The following PCDH15 variants were observed in gnomAD, a reference collection of about 807,000 sequenced individuals.
The protein encoded by PCDH15 is protocadherin-15.
Under a neutral mutation model 178.5 loss-of-function variants are expected in PCDH15, and 129 were observed. The observed-to-expected ratio is 0.72, with a 90% CI of 0.63 to 0.84. PCDH15 has a LOEUF of 0.84. PCDH15 is among the 40% of genes least tolerant of loss of function. The pLI, the probability that PCDH15 is intolerant of heterozygous loss-of-function variation, is 0.00. For synonymous variants in PCDH15, 800 were observed against 732.0 expected (o/e 1.09, Z -1.50); for missense variants, 2,230 against 2,099.9 (o/e 1.06, Z -1.21).
intron 2 of PCDH15, among the ~76,000 whole-genome samples, chr10:54,921,167 C>T (rs2131843995): frequency 6.6e-6 from 1 of 152,210 alleles, no homozygotes; most frequent in Middle Eastern, 3.4e-3. Flanking sequence ...TGCATCTTAC[C>T]AATCTCAATT....
intron 13 of PCDH15, among the ~76,000 whole-genome samples, chr10:54,169,200 G>A (rs1473263670): frequency 1.5e-5 from 2 of 130,760 alleles, no homozygotes; most frequent in African/African-American, 3.0e-5. Context: ...CTCCTTCCCA[G>A]ATCTTCTCGG....
chr10:55,496,289 C>T (rs1183082579), intron 2 of PCDH15, among the ~76,000 whole-genome samples: 1 of 151,606 alleles, frequency 6.6e-6, no homozygotes, highest in African/African-American at 2.4e-5. Flanking sequence ...AATAAATAAG[C>T]ACAAATGCGT....
At chr10:54,490,493 T>TA (rs1423827218) in intron 3 of PCDH15, among the ~76,000 whole-genome samples, 9 of 150,280 alleles carry the variant, frequency 6.0e-5, no homozygotes, top group Admixed American at 1.3e-4. Context: ...AATAAATAAA[T>TA]AATGTCTCAA....
chr10:55,500,009 C>T (rs903956130), intron 2 of PCDH15, among the ~76,000 whole-genome samples: 2 of 151,400 alleles, frequency 1.3e-5, no homozygotes, highest in Non-Finnish European at 3.0e-5. Flanking sequence ...AAAGAGTTTA[C>T]AAAATGTAAT....
At chr10:54,597,117 C>T (rs1484309033) in intron 2 of PCDH15, among the ~76,000 whole-genome samples, 1 of 152,098 alleles carries the variant, frequency 6.6e-6, no homozygotes, top group East Asian at 1.9e-4. Context: ...AGCTACATAA[C>T]TGTTCATCAA....
At chr10:54,738,165 A>G (rs1944363253) in intron 1 of PCDH15, among the ~76,000 whole-genome samples, 1 of 152,106 alleles carries the variant, frequency 6.6e-6, no homozygotes, top group African/African-American at 2.4e-5. Flanking sequence ...GCACCCTAGG[A>G]CATTTTGAGA....
At chr10:55,120,744 T>A (rs1299794318) in intron 2 of PCDH15, among the ~76,000 whole-genome samples, 16 of 152,318 alleles carry the variant, frequency 1.1e-4, no homozygotes, top group African/African-American at 2.9e-4. Context: ...TGTGCAGTGC[T>A]CTTTGGTCTC....
chr10:53,987,930 G>C (rs1321485254), intron 21 of PCDH15, among the ~76,000 whole-genome samples: 1 of 152,102 alleles, frequency 6.6e-6, no homozygotes, highest in Non-Finnish European at 1.5e-5. Flanking sequence ...AATTCTGAGA[G>C]TCTATTTCCA....
intron 21 of PCDH15, among the ~76,000 whole-genome samples, chr10:53,965,172 C>T (rs2088871835): frequency 6.6e-6 from 1 of 151,912 alleles, no homozygotes; most frequent in South Asian, 2.1e-4. Context: ...ATTCTCCTGC[C>T]TCAGCCTCTC....
At chr10:54,098,817 A>T (rs1011399151) in intron 15 of PCDH15, among the ~76,000 whole-genome samples, 1 of 152,182 alleles carries the variant, frequency 6.6e-6, no homozygotes, top group African/African-American at 2.4e-5. Context: ...GGCTTTGGTC[A>T]GTTTACAGCC....
chr10:54,398,604 T>G, intron 3 of PCDH15, among the ~76,000 whole-genome samples: 1 of 152,048 alleles, frequency 6.6e-6, no homozygotes, highest in East Asian at 1.9e-4. Context: ...AGTTTGTAAG[T>G]GAAATTTAAC....
chr10:54,504,907 C>A (rs867769546), intron 3 of PCDH15, among the ~76,000 whole-genome samples: 2 of 151,956 alleles, frequency 1.3e-5, no homozygotes, highest in African/African-American at 4.8e-5. Flanking sequence ...CTGGGAAAAT[C>A]ATTTATAATA....
chr10:54,165,461 CT>C (rs2046126158), intron 13 of PCDH15, among the ~76,000 whole-genome samples: 1 of 152,108 alleles, frequency 6.6e-6, no homozygotes, highest in South Asian at 2.1e-4. Flanking sequence ...TAAAGCATTT[CT>C]TTTCACAGCC....
chr10:54,327,942 C>T (rs1938531303), intron 7 of PCDH15, among the ~76,000 whole-genome samples: 1 of 152,036 alleles, frequency 6.6e-6, no homozygotes, highest in Non-Finnish European at 1.5e-5. Flanking sequence ...CAAAGTTGTA[C>T]ATTGGTTACA....
intron 25 of PCDH15, among the ~76,000 whole-genome samples, chr10:53,925,734 C>T (rs902500778): frequency 6.6e-6 from 1 of 152,112 alleles, no homozygotes; most frequent in African/African-American, 2.4e-5. Context: ...TCCCTGGTTT[C>T]TAGTCTTGAG....
At chr10:54,023,288 T>G (rs2092984087) in intron 18 of PCDH15, 91 bp from the exon 19 acceptor site, 1 of 1,277,922 alleles carries the variant, frequency 7.8e-7, no homozygotes, top group Non-Finnish European at 1.1e-6. Flanking sequence ...TATGGTATTT[T>G]TCTAACCAAA....
intron 2 of PCDH15, among the ~76,000 whole-genome samples, chr10:54,565,023 T>C (rs1002390491): frequency 6.6e-6 from 1 of 152,174 alleles, no homozygotes; most frequent in African/African-American, 2.4e-5. Flanking sequence ...CAGATGTCTA[T>C]TCCTGTAACA....
At chr10:54,948,842 T>G (rs1398583338) in intron 2 of PCDH15, among the ~76,000 whole-genome samples, 2 of 151,914 alleles carry the variant, frequency 1.3e-5, no homozygotes, top group African/African-American at 2.4e-5. Context: ...AGAAACACCC[T>G]CACAGATATA....
chr10:54,715,393 C>T (rs948675053), intron 1 of PCDH15, among the ~76,000 whole-genome samples: 4 of 152,018 alleles, frequency 2.6e-5, no homozygotes, highest in African/African-American at 7.2e-5. Context: ...GTCAAAATGG[C>T]GGGTTAGAGG....
Sources: allele counts gnomAD v4.1 joint callset (sites outside exome capture counted in the v4.1 genomes callset), GRCh38; gene constraint gnomAD v4.1.1; transcripts MANE v1.5; gene names NCBI Gene and HGNC (gene_info 2026-07-23, HGNC 2026-07-21).